Variants in AGBL3 observed in about 807,000 individuals in gnomAD.
The protein encoded by AGBL3 is AGBL carboxypeptidase 3.
A neutral mutation model predicts 94.5 loss-of-function variants in AGBL3; 68 were observed. The observed-to-expected ratio is 0.72, with a 90% CI of 0.59 to 0.88. The LOEUF (loss-of-function observed/expected upper bound fraction) is 0.88. AGBL3 is among the 40% of genes least tolerant of loss of function. The pLI is 0.00. For synonymous variants in AGBL3, 354 were observed against 370.7 expected (o/e 0.95, Z 0.52); for missense variants, 934 against 1,103.8 (o/e 0.85, Z 2.18).
At chr7:135,066,678 A>T (rs1819338486) in intron 12 of AGBL3, among the ~76,000 whole-genome samples, 1 of 152,266 alleles carries the variant, frequency 6.6e-6, no homozygotes, top group Non-Finnish European at 1.5e-5. Context: ...TGTTTATTGC[A>T]GTACTATTCA....
chr7:135,071,300 T>A (rs1819883675), intron 12 of AGBL3, among the ~76,000 whole-genome samples: 1 of 152,150 alleles, frequency 6.6e-6, no homozygotes, highest in Non-Finnish European at 1.5e-5. Flanking sequence ...ATTTTCACCA[T>A]TTTCATCGTG....
intron 8 of AGBL3, among the ~76,000 whole-genome samples, chr7:135,039,314 G>A (rs1176119895): frequency 6.6e-6 from 1 of 152,016 alleles, no homozygotes; most frequent in South Asian, 2.1e-4. Context: ...GGCCCAAGAG[G>A]AACTCTTAAG....
At chr7:135,030,160 A>T (rs1449128093) in intron 5 of AGBL3, among the ~76,000 whole-genome samples, 6 of 118,454 alleles carry the variant, frequency 5.1e-5, no homozygotes, top group Non-Finnish European at 9.6e-5. Context: ...TAATTTGTTA[A>T]AAAAAAAAAA....
At chr7:135,022,833 T>G (rs183539929) in intron 5 of AGBL3, among the ~76,000 whole-genome samples, 84 of 152,234 alleles carry the variant, frequency 5.5e-4, no homozygotes, top group African/African-American at 1.9e-3. Flanking sequence ...TTTTAATTAT[T>G]ATGTTTAATA....
chr7:135,074,387 G>C (rs1020145671), intron 12 of AGBL3, among the ~76,000 whole-genome samples: 8 of 152,324 alleles, frequency 5.3e-5, no homozygotes, highest in African/African-American at 1.9e-4. Flanking sequence ...AGAACTGAGA[G>C]TGGGTAGGAT....
At chr7:135,113,073 G>A (rs1018089444) in intron 15 of AGBL3, among the ~76,000 whole-genome samples, 6 of 152,124 alleles carry the variant, frequency 3.9e-5, no homozygotes, top group Non-Finnish European at 8.8e-5. Context: ...TACCACACCC[G>A]GCCTACATTC....
At chr7:135,110,293 C>G (rs781311103) in intron 15 of AGBL3, among the ~76,000 whole-genome samples, 1 of 152,286 alleles carries the variant, frequency 6.6e-6, no homozygotes, top group Non-Finnish European at 1.5e-5. Flanking sequence ...CACTGCTCAG[C>G]CCCCTGGATT....
At chr7:135,008,132 T>C (rs1812627442) in intron 4 of AGBL3, among the ~76,000 whole-genome samples, 1 of 151,872 alleles carries the variant, frequency 6.6e-6, no homozygotes, top group Non-Finnish European at 1.5e-5. Context: ...ATTGACAGAC[T>C]GATACTAAAA....
At chr7:135,094,721 T>A (rs1396518298) in intron 15 of AGBL3, 1 of 350,626 alleles carries the variant, frequency 2.9e-6, no homozygotes, top group Non-Finnish European at 5.6e-6. Flanking sequence ...TTATTCAGAA[T>A]AGGAATTGCA....
intron 15 of AGBL3, among the ~76,000 whole-genome samples, chr7:135,106,477 G>A (rs950033529): frequency 6.6e-6 from 1 of 152,056 alleles, no homozygotes; most frequent in African/African-American, 2.4e-5. Context: ...AAAATCACGT[G>A]GTTTTGTCTT....
chr7:135,055,327 G>C (rs1439332279), intron 11 of AGBL3, among the ~76,000 whole-genome samples: 2 of 152,152 alleles, frequency 1.3e-5, no homozygotes, highest in Non-Finnish European at 2.9e-5. Flanking sequence ...CTGAGTAGAA[G>C]TGCTATGAGA....
chr7:134,998,360 G>A (rs1167242900), intron 4 of AGBL3, among the ~76,000 whole-genome samples: 1 of 152,072 alleles, frequency 6.6e-6, no homozygotes. Flanking sequence ...GGATAATTAA[G>A]CTAAGAGACT....
intron 12 of AGBL3, among the ~76,000 whole-genome samples, chr7:135,063,937 A>G (rs1819055663): frequency 6.6e-6 from 1 of 152,134 alleles, no homozygotes; most frequent in Admixed American, 6.5e-5. Context: ...CTTAGCTCCT[A>G]ATTGTGGGTT....
chr7:135,094,894 C>A (rs1469730559), intron 15 of AGBL3, among the ~76,000 whole-genome samples: 5 of 152,132 alleles, frequency 3.3e-5, no homozygotes, highest in Non-Finnish European at 7.4e-5. Context: ...CAACAGCTGG[C>A]AAGGAAAAAT....
intron 15 of AGBL3, among the ~76,000 whole-genome samples, chr7:135,097,350 TG>T (rs1823060292): frequency 6.6e-6 from 1 of 152,142 alleles, no homozygotes; most frequent in South Asian, 2.1e-4. Context: ...AAAATCCCCA[TG>T]GCTTTTAGGT....
Position 135,034,599 on chromosome 7 carries a change from G to T in AGBL3, c.1008G>T (p.Met336Ile). ...TGTGCCACACGCTTGCTAGGAACAT[G>T]GTGTATATTTTAACAATCACTACCC... Reference protein sequence around the residue: ...RVLCHTLARNMVYILTITTPL... With the variant: ...RVLCHTLARNIVYILTITTPL... Residue 336 changes from methionine to isoleucine, a missense_variant, in exon 7 of 17, where the codon ATG becomes ATT. Physicochemically the swap from Met to Ile is conservative, Grantham distance 10. Transcript: ENST00000436302. The T allele has an allele frequency of 6.4e-7, 1 of 1,551,710 alleles. No homozygotes were observed. The highest frequency in any genetic ancestry group is 1.2e-5 in the South Asian group (1 of 84,060).
chr7:135,080,032 A>G (rs560135742), intron 13 of AGBL3, among the ~76,000 whole-genome samples, 171 bp from the exon 14 acceptor site: 7 of 152,270 alleles, frequency 4.6e-5, no homozygotes, highest in African/African-American at 1.4e-4. Flanking sequence ...TAGCGTAGGG[A>G]AAAATATTAG....
intron 13 of AGBL3, among the ~76,000 whole-genome samples, chr7:135,078,848 C>G (rs1232645610): frequency 2.6e-5 from 4 of 152,146 alleles, no homozygotes; most frequent in Admixed American, 1.3e-4. Context: ...AGTGAACAAT[C>G]TCACTTTCAC....
At chr7:135,052,000 A>AT (rs1366886109) in intron 11 of AGBL3, among the ~76,000 whole-genome samples, 3 of 500 alleles carry the variant, frequency 6.0e-3, no homozygotes, top group East Asian at 0.12. Flanking sequence ...AACTTCCATT[A>AT]ATTTTTTGTT....
Sources: gnomAD v4.1 joint callset for allele counts (sites outside exome capture counted in the v4.1 genomes callset) on GRCh38, gnomAD v4.1.1 for gene constraint, MANE v1.5 for transcripts, NCBI Gene and HGNC (gene_info 2026-07-23, HGNC 2026-07-21) for gene names.